ADAMTS20: variants seen among roughly 807,000 people sequenced by gnomAD.
ADAMTS20 encodes A disintegrin and metalloproteinase with thrombospondin motifs 20.
A neutral mutation model predicts 260.1 loss-of-function variants in ADAMTS20; 225 were observed. That is an observed-to-expected ratio of 0.87 (90% CI 0.78 to 0.97). The LOEUF (loss-of-function observed/expected upper bound fraction) is 0.97, where lower values mean the gene tolerates loss of function less well. ADAMTS20 is among the 50% of genes least tolerant of loss of function. The pLI is 0.00. For synonymous variants in ADAMTS20, 802 were observed against 769.5 expected (o/e 1.04, Z -0.70); for missense variants, 2,400 against 2,337.7 (o/e 1.03, Z -0.55).
intron 3 of ADAMTS20, among the ~76,000 whole-genome samples, chr12:43,509,864 T>C (rs1200237905): frequency 6.6e-6 from 1 of 152,156 alleles, no homozygotes; most frequent in Non-Finnish European, 1.5e-5. Context: ...CTGGCTCTCA[T>C]CACTATCATA....
chr12:43,516,789 ATT>A (rs1279299264), intron 3 of ADAMTS20, among the ~76,000 whole-genome samples: 2 of 152,092 alleles, frequency 1.3e-5, no homozygotes, highest in African/African-American at 4.8e-5. Context: ...TTAAAGTATA[ATT>A]AAAAAAAAGA....
chr12:43,518,956 T>G (rs1943035721), intron 3 of ADAMTS20, among the ~76,000 whole-genome samples: 1 of 152,138 alleles, frequency 6.6e-6, no homozygotes, highest in Non-Finnish European at 1.5e-5. Context: ...CCACCCTGAT[T>G]CAGCACCTCA....
chr12:43,464,998 G>T (rs942365028), intron 9 of ADAMTS20, among the ~76,000 whole-genome samples: 1 of 152,042 alleles, frequency 6.6e-6, no homozygotes, highest in Non-Finnish European at 1.5e-5. Flanking sequence ...AAAATGATAA[G>T]CAATAAACAC....
intron 28 of ADAMTS20, among the ~76,000 whole-genome samples, chr12:43,418,730 A>C (rs1941177458): frequency 6.6e-6 from 1 of 152,242 alleles, no homozygotes; most frequent in East Asian, 1.9e-4. Context: ...CGAATATTTC[A>C]AAGTTTCACT....
chr12:43,491,085 A>T (rs1478614311), intron 6 of ADAMTS20, among the ~76,000 whole-genome samples: 1 of 152,152 alleles, frequency 6.6e-6, no homozygotes. Flanking sequence ...ACTGCATAAC[A>T]TGTTTCAGTC....
chr12:43,406,000 C>T (rs1482982300), intron 28 of ADAMTS20, among the ~76,000 whole-genome samples: 1 of 152,112 alleles, frequency 6.6e-6, no homozygotes, highest in Admixed American at 6.6e-5. Flanking sequence ...GCAACCTTTT[C>T]GTTTAAGTAA....
At position 43,393,507 on chromosome 12, in the gene ADAMTS20, T is replaced by C. The variant is rs570174284; in HGVS notation, c.4452+5559A>G. Among the ~76,000 whole-genome samples the C allele has an allele frequency of 3.9e-5, 6 of 152,152 alleles. No individual in the cohort carries two copies. The East Asian group carries it at 1.2e-3, about 29-fold the overall frequency. On this transcript the variant is annotated intron_variant, in intron 29 of 38. Transcript: ENST00000389420. ...GCGAATCCACAGGTACTGTAACCATTATAGCTATTGCGGAGCAGAGATAAG... is the reference window on the plus strand; with the variant it reads ...GCGAATCCACAGGTACTGTAACCATCATAGCTATTGCGGAGCAGAGATAAG...
chr12:43,448,186 A>C (rs1177866021), intron 14 of ADAMTS20, among the ~76,000 whole-genome samples: 1 of 152,166 alleles, frequency 6.6e-6, no homozygotes, highest in African/African-American at 2.4e-5. Flanking sequence ...TAGCCAAAGA[A>C]ATCCTAACCA....
At chr12:43,500,563 T>C (rs979555254) in intron 4 of ADAMTS20, among the ~76,000 whole-genome samples, 6 of 152,310 alleles carry the variant, frequency 3.9e-5, no homozygotes, top group African/African-American at 1.4e-4. Context: ...AAAAAGTAAT[T>C]AGGATAAATT....
intron 3 of ADAMTS20, among the ~76,000 whole-genome samples, chr12:43,516,221 C>A (rs1942997997): frequency 6.7e-6 from 1 of 148,684 alleles, no homozygotes; most frequent in Admixed American, 6.7e-5. Context: ...CTAGGGCCAG[C>A]CAAAACCATG....
At chr12:43,356,366 T>G in intron 38 of ADAMTS20, 118 bp downstream of exon 38, 1 of 608,544 alleles carries the variant, frequency 1.6e-6, no homozygotes, top group Non-Finnish European at 2.9e-6. Flanking sequence ...ACCCATTATA[T>G]GCAATATCTC....
intron 24 of ADAMTS20, among the ~76,000 whole-genome samples, chr12:43,429,354 T>C (rs1438385557): frequency 6.6e-6 from 1 of 152,182 alleles, no homozygotes; most frequent in Non-Finnish European, 1.5e-5. Flanking sequence ...CATAACAACC[T>C]GTGACGTAAG....
intron 3 of ADAMTS20, among the ~76,000 whole-genome samples, chr12:43,514,245 C>G (rs1020210784): frequency 6.6e-6 from 1 of 151,742 alleles, no homozygotes; most frequent in Non-Finnish European, 1.5e-5. Context: ...AGCCCCCATG[C>G]CTGGCCTCAC....
Position 43,439,676 on chromosome 12 carries a change from T to A in ADAMTS20, c.2539A>T (p.Met847Leu), listed in dbSNP as rs149978861. The part of the protein sequence containing the change: ...FNIPLEERSD[M>L]FTWDPYGPWE... ...GGTCCATAGGGGTCCCATGTGAACATGTCACTCCTCTCTTCCAAAGGGATA... is the reference window on the plus strand; with the variant it reads ...GGTCCATAGGGGTCCCATGTGAACAAGTCACTCCTCTCTTCCAAAGGGATA... The change falls in exon 18 of 39, where the codon ATG becomes TTG. Residue 847 changes from methionine (M) to leucine (L), a missense_variant. Coordinates refer to ENST00000389420, the MANE Select transcript of ADAMTS20 (RefSeq NM_025003.5). The A allele has an allele frequency of 6.2e-7, 1 of 1,613,704 alleles. No individual in the cohort carries two copies. The highest frequency in any genetic ancestry group is 8.5e-7 in the Non-Finnish European group (1 of 1,179,852).
At chr12:43,531,597 T>C (rs1171727244) in intron 3 of ADAMTS20, among the ~76,000 whole-genome samples, 3 of 152,024 alleles carry the variant, frequency 2.0e-5, no homozygotes, top group Non-Finnish European at 4.4e-5. Flanking sequence ...AACTCATAGA[T>C]GTAAAGAGTG....
chr12:43,416,679 C>T (rs1463000586), intron 28 of ADAMTS20, among the ~76,000 whole-genome samples: 19 of 152,046 alleles, frequency 1.2e-4, no homozygotes. Context: ...CGCCACCACG[C>T]CCGGCTAATT....
intron 29 of ADAMTS20, among the ~76,000 whole-genome samples, chr12:43,392,275 T>C (rs11613515): frequency 0.022 from 3,417 of 152,236 alleles, 58 homozygotes; most frequent in East Asian, 0.085. Context: ...ATATAAACTA[T>C]ATTTGGAAAA....
intron 14 of ADAMTS20, among the ~76,000 whole-genome samples, chr12:43,451,633 A>C (rs1471581981): frequency 1.3e-5 from 2 of 152,094 alleles, no homozygotes. Context: ...TGAATCCTTT[A>C]CCCACCTCCC....
At chr12:43,520,621 A>G (rs1268901387) in intron 3 of ADAMTS20, among the ~76,000 whole-genome samples, 8 of 152,182 alleles carry the variant, frequency 5.3e-5, no homozygotes, top group Non-Finnish European at 1.2e-4. Flanking sequence ...GTCATAAGTG[A>G]TCTTTGAAAG....
Sources: gnomAD v4.1 joint callset for allele counts (sites outside exome capture counted in the v4.1 genomes callset) on GRCh38, gnomAD v4.1.1 for gene constraint, MANE v1.5 for transcripts, NCBI Gene and HGNC (gene_info 2026-07-23, HGNC 2026-07-21) for gene names.